Variants in WWOX observed in about 807,000 individuals in gnomAD.
The protein encoded by WWOX is WW domain-containing oxidoreductase.
WWOX carries 69 observed loss-of-function variants against 46.2 expected under a neutral mutation model. The observed-to-expected ratio is 1.49, with a 90% CI of 1.23 to 1.82. The LOEUF (loss-of-function observed/expected upper bound fraction) is 1.82. Among genes scored for constraint, WWOX ranks in the 40% most tolerant of loss-of-function variants. The pLI is 0.00. For missense variants in WWOX, 919 were observed against 542.6 expected, an observed-to-expected ratio of 1.69 and a Z score of -6.89; for synonymous variants, 359 against 202.6, an observed-to-expected ratio of 1.77 and a Z score of -6.56.
At chr16:79,068,695 C>T (rs529634787) in intron 8 of WWOX, among the ~76,000 whole-genome samples, 1 of 151,918 alleles carries the variant, frequency 6.6e-6, no homozygotes, top group African/African-American at 2.4e-5. Context: ...CCTGTGCTCC[C>T]AGCCACTCAG....
chr16:78,978,277 C>G (rs1185081049), intron 8 of WWOX, among the ~76,000 whole-genome samples: 1 of 152,164 alleles, frequency 6.6e-6, no homozygotes, highest in Non-Finnish European at 1.5e-5. Context: ...CCTTTTTGCT[C>G]TTGTGAATCC....
intron 8 of WWOX, among the ~76,000 whole-genome samples, chr16:78,741,742 C>A (rs1376869434): frequency 1.3e-5 from 2 of 150,658 alleles, no homozygotes; most frequent in African/African-American, 2.4e-5. Context: ...GTAGTCTCAG[C>A]TACTCAGGAG....
intron 5 of WWOX, among the ~76,000 whole-genome samples, chr16:78,369,034 C>G (rs1597113154): frequency 6.6e-6 from 1 of 152,060 alleles, no homozygotes; most frequent in African/African-American, 2.4e-5. Flanking sequence ...TCTCTCAACT[C>G]TTCCTTCCTC....
chr16:78,182,390 C>A (rs1242886065), intron 5 of WWOX, among the ~76,000 whole-genome samples: 1 of 152,092 alleles, frequency 6.6e-6, no homozygotes, highest in Non-Finnish European at 1.5e-5. Flanking sequence ...ATCAAACTCA[C>A]TGCTGTTGCT....
intron 8 of WWOX, among the ~76,000 whole-genome samples, chr16:78,893,611 C>T (rs2044638021): frequency 6.6e-6 from 1 of 152,140 alleles, no homozygotes; most frequent in Non-Finnish European, 1.5e-5. Flanking sequence ...TTAAATGTTG[C>T]AGCCAATATT....
chr16:79,083,489 G>A (rs1292780800), intron 8 of WWOX, among the ~76,000 whole-genome samples: 4 of 152,198 alleles, frequency 2.6e-5, no homozygotes, highest in African/African-American at 4.8e-5. Context: ...GGCTGTTGCA[G>A]TAGAACCTAG....
At chr16:78,424,849 A>T in intron 6 of WWOX, 21 bp from the exon 7 acceptor site, 2 of 1,613,816 alleles carry the variant, frequency 1.2e-6, no homozygotes, top group South Asian at 1.1e-5. Flanking sequence ...TCCACATCAC[A>T]TGGGATATTT....
intron 8 of WWOX, among the ~76,000 whole-genome samples, chr16:78,648,728 T>C (rs898965471): frequency 6.6e-6 from 1 of 152,162 alleles, no homozygotes; most frequent in African/African-American, 2.4e-5. Flanking sequence ...CTGGAAGTCA[T>C]CCACTTTCTT....
At chr16:78,914,781 A>C (rs1472914209) in intron 8 of WWOX, among the ~76,000 whole-genome samples, 1 of 147,984 alleles carries the variant, frequency 6.8e-6, no homozygotes, top group Admixed American at 6.8e-5. Context: ...CTGGAGGCTG[A>C]GGCAGGAGAA....
intron 8 of WWOX, among the ~76,000 whole-genome samples, chr16:78,707,720 T>TA (rs1433197798): frequency 6.6e-6 from 1 of 151,894 alleles, no homozygotes; most frequent in East Asian, 1.9e-4. Flanking sequence ...CCATCTCTAC[T>TA]AAAAATACAA....
At chr16:79,015,176 C>G (rs890999655) in intron 8 of WWOX, among the ~76,000 whole-genome samples, 2 of 152,074 alleles carry the variant, frequency 1.3e-5, no homozygotes, top group Non-Finnish European at 2.9e-5. Flanking sequence ...CTGCAGTGTT[C>G]TAGGTATGGT....
At chr16:79,144,697 A>G (rs1410680502) in intron 8 of WWOX, among the ~76,000 whole-genome samples, 1 of 152,142 alleles carries the variant, frequency 6.6e-6, no homozygotes, top group East Asian at 1.9e-4. Flanking sequence ...TATAAATTTT[A>G]TTGACCTAAT....
intron 8 of WWOX, among the ~76,000 whole-genome samples, chr16:79,170,330 G>A (rs536713357): frequency 6.6e-6 from 1 of 152,284 alleles, no homozygotes; most frequent in Non-Finnish European, 1.5e-5. Flanking sequence ...TCTATGCAAG[G>A]TCCCCCAGCT....
intron 8 of WWOX, among the ~76,000 whole-genome samples, chr16:78,801,469 A>G (rs1010262919): frequency 7.2e-5 from 11 of 152,144 alleles, no homozygotes; most frequent in African/African-American, 2.2e-4. Flanking sequence ...ATATCATGTC[A>G]CCGCACTCCA....
intron 5 of WWOX, among the ~76,000 whole-genome samples, chr16:78,189,695 C>T (rs1314010387): frequency 6.6e-6 from 1 of 152,076 alleles, no homozygotes; most frequent in Non-Finnish European, 1.5e-5. Flanking sequence ...TGCTGTGTCT[C>T]CCAGGCTGGA....
At chr16:79,106,379 C>T (rs749967925) in intron 8 of WWOX, among the ~76,000 whole-genome samples, 9 of 152,110 alleles carry the variant, frequency 5.9e-5, no homozygotes, top group Non-Finnish European at 1.0e-4. Context: ...TCACACTCAC[C>T]TACTTCTCAT....
At chr16:78,667,039 G>T (rs1448946916) in intron 8 of WWOX, among the ~76,000 whole-genome samples, 1 of 152,168 alleles carries the variant, frequency 6.6e-6, no homozygotes, top group East Asian at 1.9e-4. Flanking sequence ...TGAATTAAAA[G>T]TCTCTTACAT....
chr16:78,524,030 G>A (rs2043404650), intron 8 of WWOX, among the ~76,000 whole-genome samples: 1 of 152,150 alleles, frequency 6.6e-6, no homozygotes, highest in African/African-American at 2.4e-5. Context: ...GGATCACATG[G>A]GAGCTTTCAT....
intron 8 of WWOX, among the ~76,000 whole-genome samples, chr16:79,028,151 G>A (rs559883627): frequency 2.4e-4 from 37 of 151,726 alleles, no homozygotes; most frequent in Non-Finnish European, 2.1e-4. Context: ...GGGTTTCACC[G>A]TGTTACCCAG....
Sources: gnomAD v4.1 joint callset for allele counts (sites outside exome capture counted in the v4.1 genomes callset) on GRCh38, gnomAD v4.1.1 for gene constraint, MANE v1.5 for transcripts, NCBI Gene and HGNC (gene_info 2026-07-23, HGNC 2026-07-21) for gene names.